The following ARFGEF1 variants were observed in gnomAD, a reference collection of about 807,000 sequenced individuals.
ARFGEF1 encodes the protein brefeldin A-inhibited guanine nucleotide-exchange protein 1.
ARFGEF1 carries 42 observed loss-of-function variants against 231.0 expected under a neutral mutation model. That is an observed-to-expected ratio of 0.18 (90% CI 0.14 to 0.24). The LOEUF is 0.24. Among genes scored for constraint, ARFGEF1 ranks in the 10% least tolerant of loss-of-function variants. ARFGEF1 has a pLI of 1.00. For synonymous variants in ARFGEF1, 710 were observed against 732.3 expected (o/e 0.97, Z 0.49); for missense variants, 1,345 against 2,192.0 (o/e 0.61, Z 7.72).
chr8:67,273,417 C>T (rs894676660), intron 9 of ARFGEF1, among the ~76,000 whole-genome samples: 118 of 102,942 alleles, frequency 1.1e-3, no homozygotes, highest in African/African-American at 1.6e-3. Context: ...TTTTTTTTTT[C>T]CCAAAAAAAA....
intron 22 of ARFGEF1, among the ~76,000 whole-genome samples, chr8:67,236,361 AAAAAATATATATAT>A (rs1294767344): frequency 1.9e-4 from 8 of 42,076 alleles, no homozygotes; most frequent in African/African-American, 6.9e-4. Context: ...AAAAAAAAAA[AAAAAATATATATAT>A]ATATATATAT....
rs1032587208 is a variant in ARFGEF1, at chr8:67,209,442, T to A, written c.4819+2041A>T. On this transcript the variant is annotated intron_variant, in intron 34 of 38. Coordinates refer to ENST00000262215, the MANE Select transcript of ARFGEF1 (RefSeq NM_006421.5). ...GGAAGAGGAGAAGAAGAAGTGGCTG[T>A]ATAACAGTTATGGGGCTGGGGGGCT... is the stretch of plus-strand genomic sequence containing the variant. 5.3e-5 allele frequency among the ~76,000 whole-genome samples: 8 copies of A among 152,330 alleles called. No homozygotes were observed. The South Asian group carries it at 1.5e-3, about 28-fold the overall frequency.
intron 7 of ARFGEF1, among the ~76,000 whole-genome samples, chr8:67,284,034 A>G (rs1417919737): frequency 6.6e-6 from 1 of 152,258 alleles, no homozygotes; most frequent in Non-Finnish European, 1.5e-5. Context: ...GTACAAAGTT[A>G]TTCACTGCAG....
intron 3 of ARFGEF1, 132 bp downstream of exon 3, chr8:67,301,092 A>G (rs1806467380): frequency 1.2e-6 from 1 of 850,572 alleles, no homozygotes. Flanking sequence ...AATATAAAAA[A>G]TCACTTGGAT....
chr8:67,329,255 TA>T lies in ARFGEF1; in HGVS notation c.124+13908del, dbSNP rs1355238978. 2.7e-5 allele frequency among the ~76,000 whole-genome samples: 4 copies of T among 150,096 alleles called. No individual in the cohort carries two copies. In the East Asian group the frequency reaches 8.0e-4, roughly 30 times the overall value. On this transcript the variant is annotated intron_variant, in intron 1 of 38. Coordinates refer to ENST00000262215, the MANE Select transcript of ARFGEF1 (RefSeq NM_006421.5). The stretch of plus-strand genomic sequence containing the variant: ...AAACAAAAAAACAAACAATTCAGGA[TA>T]AAAATAAGAATTTAGGCCGGGCACA...
At chr8:67,308,526 T>C (rs2128919989) in intron 1 of ARFGEF1, among the ~76,000 whole-genome samples, 1 of 152,302 alleles carries the variant, frequency 6.6e-6, no homozygotes, top group South Asian at 2.1e-4. Context: ...AATTCCTTTG[T>C]AATATGCCTG....
chr8:67,233,267 C>T (rs181989292), intron 22 of ARFGEF1, among the ~76,000 whole-genome samples: 217 of 152,064 alleles, frequency 1.4e-3, no homozygotes, highest in Non-Finnish European at 4.6e-4. Flanking sequence ...CAGCACTAAT[C>T]TCAGTTCCAA....
rs142098461 is a variant in ARFGEF1 at position 67,216,621 on chromosome 8, G to T, written c.4655C>A (p.Pro1552Gln). 5.6e-5 allele frequency: 90 copies of T among 1,604,986 alleles called. 1 individual carries two copies. The highest frequency in any genetic ancestry group is 1.2e-4 in the Admixed American group (7 of 57,522). Residue 1552 changes from proline (P) to glutamine (Q), a missense_variant, in exon 33 of 39, where the codon CCA (proline) becomes CAA (glutamine). Transcript: ENST00000262215. Reference protein sequence around the residue: ...WRPNSGETAPPPPSPVSEKPL... With the variant: ...WRPNSGETAPQPPSPVSEKPL... ...CTTTTCACTTACAGGAGATGGAGGTGGGGGGGCAGTTTCTCCAGAATTGGG... is the reference window on the plus strand; with the variant it reads ...CTTTTCACTTACAGGAGATGGAGGTTGGGGGGCAGTTTCTCCAGAATTGGG...
Position 67,343,401 on chromosome 8 carries a change from A to T in ARFGEF1, c.-114T>A. 7.6e-6 allele frequency: 8 copies of T among 1,053,218 alleles called. No individual in the cohort carries two copies. The highest frequency in any genetic ancestry group is 4.1e-5 in the East Asian group (1 of 24,438). The allele number at this position is 1,053,218 out of a possible 1,614,324, so 65.2% of individuals were successfully genotyped here. A position where few individuals can be genotyped will look rare whatever the true frequency, so the allele number is the denominator to read the frequency against. On this transcript the variant is annotated 5_prime_UTR_variant, in exon 1 of 39. Coordinates refer to ENST00000262215, the MANE Select transcript of ARFGEF1 (RefSeq NM_006421.5). ...AAAGGAGAGGGGGTGGAGGTGGGGG[A>T]TTGGAGGCGTGGAGGGCAGCGGCAG...
downstream of ARFGEF1, chr8:67,195,888 A>C (rs993242265): frequency 1.2e-4 from 33 of 282,322 alleles, no homozygotes; most frequent in African/African-American, 7.2e-4. Flanking sequence ...CTTGTCATTA[A>C]GATAAGGTGA....
Position 67,271,723 on chromosome 8 carries a change from T to G in ARFGEF1, c.1551A>C (p.Thr517=). 2.5e-6 allele frequency: 4 copies of G among 1,612,386 alleles called. No individual in the cohort carries two copies. The highest frequency in any genetic ancestry group is 3.4e-6 in the Non-Finnish European group (4 of 1,179,136). Residue 517 remains threonine, a synonymous_variant, in exon 10 of 39, where the codon ACA becomes ACC. Coordinates refer to ENST00000262215, the MANE Select transcript of ARFGEF1 (RefSeq NM_006421.5). The part of the protein sequence containing the change: ...IFLTLLSNFK[T]HLKMQIEVFF... ...GTACCTCAATTTGCATCTTCAGATG[T>G]GTCTTGAAATTTGACAACAAAGTAA...
chr8:67,195,847 AACT>A (rs1268489150), downstream of ARFGEF1: 3 of 433,804 alleles, frequency 6.9e-6, no homozygotes, highest in Non-Finnish European at 1.3e-5. Flanking sequence ...AACTGGATTG[AACT>A]ACTATATGTG....
chr8:67,340,025 A>AG (rs1253443315), intron 1 of ARFGEF1, among the ~76,000 whole-genome samples: 1 of 152,100 alleles, frequency 6.6e-6, no homozygotes, highest in Admixed American at 6.6e-5. Flanking sequence ...GACAAAAAAA[A>AG]AAGTTTTAAG....
At chr8:67,244,248 A>AT (rs1840026168) in intron 19 of ARFGEF1, among the ~76,000 whole-genome samples, 1 of 19,338 alleles carries the variant, frequency 5.2e-5, no homozygotes, top group African/African-American at 3.4e-4. Context: ...ACCTCAAAAA[A>AT]AAAAAAAAAA....
chr8:67,343,016 C>T, intron 1 of ARFGEF1, 148 bp downstream of exon 1: 1 of 932,834 alleles, frequency 1.1e-6, no homozygotes, highest in South Asian at 1.7e-5. Flanking sequence ...CTGTCAACTC[C>T]AGACAGGGAA....
intron 36 of ARFGEF1, among the ~76,000 whole-genome samples, chr8:67,202,350 C>A (rs1838362906): frequency 6.6e-6 from 1 of 151,998 alleles, no homozygotes; most frequent in African/African-American, 2.4e-5. Flanking sequence ...GCCTCAAACT[C>A]CTGGGCTCAA....
intron 33 of ARFGEF1, among the ~76,000 whole-genome samples, chr8:67,213,329 A>T (rs1156439385): frequency 6.6e-6 from 1 of 152,224 alleles, no homozygotes; most frequent in Non-Finnish European, 1.5e-5. Context: ...TGTAGATTAA[A>T]TAAGAGTATT....
At position 67,266,881 on chromosome 8, in the gene ARFGEF1, G is replaced by C; in HGVS notation, c.1916C>G (p.Thr639Ser). Residue 639 changes from threonine (T) to serine (S), a missense_variant, in exon 13 of 39, where the codon ACT becomes AGT. Physicochemically the swap from Thr to Ser is moderately conservative, Grantham distance 58. This residue lies in a region of ARFGEF1 where 105 missense variants were observed against 159.3 expected (regional missense o/e 0.66). Transcript: ENST00000262215. ...DQYVNPNSQTTLGQEKPSEQE... is the reference protein window; with the variant it reads ...DQYVNPNSQTSLGQEKPSEQE... ...AGCTCAAAATATCACCTTACCAAGAGTTGTCTGGGAGTTGGGATTCACATA... is the reference window on the plus strand; with the variant it reads ...AGCTCAAAATATCACCTTACCAAGACTTGTCTGGGAGTTGGGATTCACATA... The C allele has an allele frequency of 6.2e-7, 1 of 1,610,906 alleles. No individual in the cohort carries two copies. Among genetic ancestry groups the C allele is most frequent in the Non-Finnish European group, 8.5e-7 (1 of 1,177,940 alleles).
rs563711930 is a variant in ARFGEF1, at chr8:67,286,641, T to C, written c.1027+1314A>G. Among the ~76,000 whole-genome samples, 24 of 152,340 alleles carry C rather than the reference T, an allele frequency of 1.6e-4. 1 individual carries two copies. The South Asian group carries it at 4.1e-3, about 26-fold the overall frequency. ...TGCCAACTCCTTAACTATACTATTA[T>C]ATGTTTAAAGAATGCACGGGCATGT... On this transcript the variant is annotated intron_variant, in intron 7 of 38. Transcript: ENST00000262215.
Sources: allele counts gnomAD v4.1 joint callset (sites outside exome capture counted in the v4.1 genomes callset), GRCh38; gene constraint gnomAD v4.1.1; regional missense constraint gnomAD v4.1.1; transcripts MANE v1.5; gene names NCBI Gene and HGNC (gene_info 2026-07-23, HGNC 2026-07-21).